The following PHF2 variants were observed in gnomAD, a reference collection of about 807,000 sequenced individuals.
PHF2 encodes the protein lysine-specific demethylase PHF2.
In PHF2, 27 loss-of-function variants were observed where a neutral mutation model predicts 120.5. The observed-to-expected ratio is 0.22, with a 90% CI of 0.17 to 0.31. The LOEUF is 0.31. Among genes scored for constraint, PHF2 ranks in the 10% least tolerant of loss-of-function variants. The pLI, the probability that PHF2 is intolerant of heterozygous loss-of-function variation, is 1.00. For missense variants in PHF2, 1,024 were observed against 1,434.8 expected (o/e 0.71, Z 4.63); for synonymous variants, 568 against 592.5 (o/e 0.96, Z 0.60).
chr9:93,651,390 GC>G (rs1826367636), intron 5 of PHF2, among the ~76,000 whole-genome samples: 1 of 152,164 alleles, frequency 6.6e-6, no homozygotes, highest in South Asian at 2.1e-4. Context: ...GTTTCCACTG[GC>G]CCAGTCCGTG....
chr9:93,647,551 C>T (rs1261282796), intron 4 of PHF2, among the ~76,000 whole-genome samples: 1 of 152,176 alleles, frequency 6.6e-6, no homozygotes, highest in African/African-American at 2.4e-5. Flanking sequence ...CAGCTTTCAG[C>T]CAGTTTTCCG....
chr9:93,650,257 G>T lies in PHF2; in HGVS notation c.602+1045G>T, dbSNP rs117760507. Among the ~76,000 whole-genome samples, 405 of 151,970 alleles carry T rather than the reference G, an allele frequency of 2.7e-3. 2 individuals are homozygous for T. Among genetic ancestry groups the T allele is most frequent in the Non-Finnish European group, 3.1e-3 (213 of 67,960 alleles). ...CCCACGGGCATTCATGGACACACTTGTGGGCACACTCATACACAGACACTG... is the reference window on the plus strand; with the variant it reads ...CCCACGGGCATTCATGGACACACTTTTGGGCACACTCATACACAGACACTG... On this transcript the variant is annotated intron_variant, in intron 5 of 21. Coordinates refer to ENST00000359246, the MANE Select transcript of PHF2 (RefSeq NM_005392.4).
chr9:93,666,150 T>TG, intron 16 of PHF2, 90 bp downstream of exon 16: 1 of 1,376,366 alleles, frequency 7.3e-7, no homozygotes, highest in Non-Finnish European at 1.0e-6. Flanking sequence ...GGGCGGTCTC[T>TG]GGGGGTGTTT....
rs764764493 is a variant in PHF2, at chr9:93,656,042, T to A, written c.1040+21T>A. ...ATGAGGTAGTGCCTGCCGCGCTGTC[T>A]GCCCTCGGGCTCCGCAGAGCAGCGT... On this transcript the variant is annotated intron_variant, in intron 8 of 21. Coordinates refer to ENST00000359246, the MANE Select transcript of PHF2 (RefSeq NM_005392.4). The surrounding 1 kb of genome is among the most constrained non-coding windows in gnomAD (Gnocchi z 4.1). 1 of 1,600,904 alleles carries A rather than the reference T, an allele frequency of 6.2e-7. No homozygotes were observed.
intron 1 of PHF2, among the ~76,000 whole-genome samples, chr9:93,626,517 C>A (rs1447201108): frequency 5.3e-5 from 8 of 152,164 alleles, no homozygotes; most frequent in Non-Finnish European, 1.0e-4. Flanking sequence ...GTACTTTCTC[C>A]TTTAATGTCA....
rs1051128580 is a variant in PHF2 at position 93,585,154 on chromosome 9, T to C, written c.98+8283T>C. 2.0e-5 allele frequency among the ~76,000 whole-genome samples: 3 copies of C among 152,232 alleles called. No individual in the cohort carries two copies. In the South Asian group the frequency reaches 6.2e-4, roughly 31 times the overall value. The stretch of plus-strand genomic sequence containing the variant: ...CTGGCATGCTCTCCGTGTTCATGCA[T>C]GTGCTGCTGTGTGCCCAGTGCATGC... On this transcript the variant is annotated intron_variant, in intron 1 of 21. Coordinates refer to ENST00000359246, the MANE Select transcript of PHF2 (RefSeq NM_005392.4).
At chr9:93,602,070 A>G (rs1394748970) in intron 1 of PHF2, among the ~76,000 whole-genome samples, 1 of 149,542 alleles carries the variant, frequency 6.7e-6, no homozygotes, top group Non-Finnish European at 1.5e-5. Context: ...GGGCTTTCTC[A>G]TCCTCTACCT....
chr9:93,632,343 C>T (rs1826016098), intron 2 of PHF2, among the ~76,000 whole-genome samples: 1 of 152,186 alleles, frequency 6.6e-6, no homozygotes, highest in South Asian at 2.1e-4. Flanking sequence ...TGTGCATGTA[C>T]ATGTATGCTT....
At chr9:93,632,174 G>T (rs1826012941) in intron 2 of PHF2, among the ~76,000 whole-genome samples, 1 of 152,200 alleles carries the variant, frequency 6.6e-6, no homozygotes, top group Non-Finnish European at 1.5e-5. Flanking sequence ...GAGGCCTGGT[G>T]TCCCAACCTG....
chr9:93,675,456 C>A (rs983621013), intron 19 of PHF2, among the ~76,000 whole-genome samples: 1 of 152,246 alleles, frequency 6.6e-6, no homozygotes, highest in African/African-American at 2.4e-5. Context: ...TGTTGCTGGG[C>A]CTCCTGGGCT....
chr9:93,661,694 A>G (rs1056408166), intron 12 of PHF2, among the ~76,000 whole-genome samples: 35 of 149,552 alleles, frequency 2.3e-4, no homozygotes, highest in Admixed American at 8.0e-4. Context: ...TGAATGGATG[A>G]ATGGATGGAT....
At chr9:93,620,818 A>G (rs1302211729) in intron 1 of PHF2, among the ~76,000 whole-genome samples, 1 of 152,154 alleles carries the variant, frequency 6.6e-6, no homozygotes, top group Non-Finnish European at 1.5e-5. Flanking sequence ...TCGTTTTGCC[A>G]ATTTTCTGAA....
At chr9:93,635,359 C>T (rs2131661333) in intron 2 of PHF2, among the ~76,000 whole-genome samples, 1 of 152,130 alleles carries the variant, frequency 6.6e-6, no homozygotes. Context: ...GGCCCCCATC[C>T]CCTGCGCCCC....
intron 1 of PHF2, among the ~76,000 whole-genome samples, chr9:93,607,106 G>A (rs369554043): frequency 5.3e-5 from 8 of 152,264 alleles, no homozygotes; most frequent in African/African-American, 1.9e-4. Flanking sequence ...GATTACTGTA[G>A]CTTCATAGGA....
chr9:93,591,136 A>G (rs1039213851), intron 1 of PHF2, among the ~76,000 whole-genome samples: 1 of 151,820 alleles, frequency 6.6e-6, no homozygotes, highest in Non-Finnish European at 1.5e-5. Context: ...ACCCATGCTC[A>G]CTCACAGTCT....
At chr9:93,603,303 G>C (rs747284536) in intron 1 of PHF2, among the ~76,000 whole-genome samples, 8 of 152,216 alleles carry the variant, frequency 5.3e-5, no homozygotes, top group Non-Finnish European at 1.2e-4. Context: ...ACTGCACGCT[G>C]CCCTCCCGAC....
chr9:93,650,833 T>G (rs1826357323), intron 5 of PHF2, among the ~76,000 whole-genome samples: 3 of 152,190 alleles, frequency 2.0e-5, no homozygotes, highest in Admixed American at 2.0e-4. Context: ...ATGGCTTTAG[T>G]CTTCATCGTT....
At chr9:93,643,037 C>T (rs1219526235) in intron 3 of PHF2, among the ~76,000 whole-genome samples, 2 of 151,596 alleles carry the variant, frequency 1.3e-5, no homozygotes, top group African/African-American at 2.4e-5. Context: ...AATCTCTTTT[C>T]GGTTGTTCTA....
chr9:93,640,644 T>G (rs1826159486), intron 3 of PHF2, among the ~76,000 whole-genome samples: 1 of 152,232 alleles, frequency 6.6e-6, no homozygotes, highest in Admixed American at 6.5e-5. Context: ...GCTAACATAC[T>G]AATCCTAGTT....
Sources: gnomAD v4.1 joint callset for allele counts (sites outside exome capture counted in the v4.1 genomes callset) on GRCh38, gnomAD v4.1.1 for gene constraint, Gnocchi (gnomAD v3.1) non-coding constraint, MANE v1.5 for transcripts, NCBI Gene and HGNC (gene_info 2026-07-23, HGNC 2026-07-21) for gene names.